NCOA2: variants seen among roughly 807,000 people sequenced by gnomAD.
NCOA2 encodes the protein class E basic helix-loop-helix protein 75.
In NCOA2, 21 loss-of-function variants were observed where a neutral mutation model predicts 145.1. The ratio of observed to expected loss-of-function variants is 0.14; its 90% CI spans 0.10 to 0.21. The LOEUF (loss-of-function observed/expected upper bound fraction) is 0.21. NCOA2 is among the 10% of genes least tolerant of loss of function. The probability of loss-of-function intolerance (pLI) is 1.00; values close to 1 mark genes in which losing one functional copy is unlikely to be tolerated. For synonymous variants in NCOA2, 619 were observed against 637.5 expected (o/e 0.97, Z 0.44); for missense variants, 1,472 against 1,837.6 (o/e 0.80, Z 3.64).
intron 2 of NCOA2, among the ~76,000 whole-genome samples, chr8:70,278,321 T>C (rs868058078): frequency 6.6e-6 from 1 of 152,248 alleles, no homozygotes; most frequent in East Asian, 1.9e-4. Flanking sequence ...TGATGGATGT[T>C]TGGACTGTTT....
In NCOA2 at chr8:70,319,539, A is replaced by AAAATAAATAAATAAATAAATAAAT. The variant is rs71558597; in HGVS notation, c.-76-22763_-76-22740dup. Among the ~76,000 whole-genome samples the AAAATAAATAAATAAATAAATAAAT allele has an allele frequency of 8.5e-4, 127 of 149,188 alleles. 1 individual carries two copies. The highest frequency in any genetic ancestry group is 1.0e-3 in the African/African-American group (42 of 40,106). On this transcript the variant is annotated intron_variant, in intron 1 of 22. Coordinates refer to ENST00000452400, the MANE Select transcript of NCOA2 (RefSeq NM_006540.4). ...CATAGGCAACAGAGACCCTGTCTCA[A>AAAATAAATAAATAAATAAATAAAT]AAATAAATAAATAAATAAATAAATA... is the stretch of plus-strand genomic sequence containing the variant.
intron 1 of NCOA2, among the ~76,000 whole-genome samples, chr8:70,298,698 A>G (rs1329027987): frequency 6.6e-6 from 1 of 152,216 alleles, no homozygotes; most frequent in Non-Finnish European, 1.5e-5. Context: ...TGTTGGCTCT[A>G]TACTATTCAG....
At chr8:70,320,280 AG>A (rs2136145292) in intron 1 of NCOA2, among the ~76,000 whole-genome samples, 1 of 152,246 alleles carries the variant, frequency 6.6e-6, no homozygotes, top group East Asian at 1.9e-4. Context: ...TATGAGAAAA[AG>A]TGTTCTAAAA....
At chr8:70,194,891 G>A (rs992388544) in intron 4 of NCOA2, among the ~76,000 whole-genome samples, 3 of 152,076 alleles carry the variant, frequency 2.0e-5, no homozygotes, top group Admixed American at 6.5e-5. Context: ...AAACAGCTGG[G>A]TAACAGGTTT....
chr8:70,322,398 A>G (rs893129123), intron 1 of NCOA2, among the ~76,000 whole-genome samples: 1 of 152,182 alleles, frequency 6.6e-6, no homozygotes, highest in African/African-American at 2.4e-5. Context: ...TCACTACAGA[A>G]AACTGTAGAT....
intron 3 of NCOA2, among the ~76,000 whole-genome samples, chr8:70,215,601 G>C (rs933736046): frequency 7.9e-5 from 12 of 152,116 alleles, no homozygotes; most frequent in African/African-American, 2.7e-4. Flanking sequence ...TGCCTCTCTT[G>C]ATGACTTTTC....
intron 8 of NCOA2, among the ~76,000 whole-genome samples, 168 bp from the exon 9 acceptor site, chr8:70,163,022 C>A (rs1050276736): frequency 4.1e-5 from 6 of 146,902 alleles, no homozygotes; most frequent in Non-Finnish European, 7.4e-5. Context: ...TCAAACGACT[C>A]TTGTGAATCA....
chr8:70,167,555 TTAGTATA>T (rs1202095701), intron 6 of NCOA2, among the ~76,000 whole-genome samples: 1 of 152,214 alleles, frequency 6.6e-6, no homozygotes, highest in Non-Finnish European at 1.5e-5. Flanking sequence ...TACAGAAACT[TTAGTATA>T]TAGTTTATAA....
At chr8:70,247,928 C>A (rs1021044783) in intron 2 of NCOA2, among the ~76,000 whole-genome samples, 1 of 152,182 alleles carries the variant, frequency 6.6e-6, no homozygotes, top group African/African-American at 2.4e-5. Flanking sequence ...GCAAATCTGT[C>A]CCTCTCTCAT....
At chr8:70,222,939 A>G (rs1260937139) in intron 2 of NCOA2, among the ~76,000 whole-genome samples, 1 of 152,188 alleles carries the variant, frequency 6.6e-6, no homozygotes, top group Admixed American at 6.5e-5. Context: ...AAATTCTCAT[A>G]GGCCAAGTTC....
At chr8:70,402,610 AG>A (rs1814410546) in intron 1 of NCOA2, 1 of 150,608 alleles carries the variant, frequency 6.6e-6, no homozygotes, top group Admixed American at 6.6e-5. Context: ...CAGGGGCCCG[AG>A]AGGGCCGGGT....
chr8:70,235,619 G>A (rs1394634905), intron 2 of NCOA2, among the ~76,000 whole-genome samples: 1 of 152,106 alleles, frequency 6.6e-6, no homozygotes, highest in African/African-American at 2.4e-5. Context: ...CAAGGCAGGA[G>A]GATCACTCAA....
chr8:70,264,802 G>A (rs1824435258), intron 2 of NCOA2, among the ~76,000 whole-genome samples: 1 of 151,708 alleles, frequency 6.6e-6, no homozygotes, highest in Non-Finnish European at 1.5e-5. Flanking sequence ...CACAACATTT[G>A]ACTGACTTGC....
intron 1 of NCOA2, among the ~76,000 whole-genome samples, chr8:70,402,791 C>T (rs1814444739): frequency 1.3e-5 from 2 of 151,340 alleles, no homozygotes; most frequent in African/African-American, 4.8e-5. Flanking sequence ...CCGGCCCCGG[C>T]CCCAGCGCGC....
rs375584834 is a variant in NCOA2, at chr8:70,218,904, C to A, written c.-19-2140G>T. Reference sequence around the variant, plus strand: ...TTTTGTTAAAATGGCTATTCCCCCCCTCAAAAGCAATGCCACATATACTAA... The same window carrying A: ...TTTTGTTAAAATGGCTATTCCCCCCATCAAAAGCAATGCCACATATACTAA... On this transcript the variant is annotated intron_variant, in intron 2 of 22. Transcript: ENST00000452400. Among the ~76,000 whole-genome samples, 6 of 152,224 alleles carry A rather than the reference C, an allele frequency of 3.9e-5. No individual in the cohort carries two copies. The East Asian group carries it at 1.2e-3, about 29-fold the overall frequency.
chr8:70,121,344 C>A lies in NCOA2; in HGVS notation c.4341G>T (p.Leu1447=), dbSNP rs751159927. Residue 1447 remains leucine, a synonymous_variant, in exon 22 of 23, where the codon CTG becomes CTT. Transcript: ENST00000452400. ...LRGGNLFPNQ[L]PGMDMIKQEG... ...CCTGCTTAATCATATCCATTCCAGG[C>A]AGCTGGTTTGGGAACAGGTTGCCTC... 9 of 1,613,146 alleles carry A rather than the reference C, an allele frequency of 5.6e-6. No individual in the cohort carries two copies. The Admixed American group carries it at 8.3e-5, about 15-fold the overall frequency.
At chr8:70,152,126 T>C (rs565560539) in intron 11 of NCOA2, among the ~76,000 whole-genome samples, 51 of 152,362 alleles carry the variant, frequency 3.3e-4, no homozygotes, top group South Asian at 8.3e-4. Context: ...TCTATTTGAA[T>C]GCTCAAATTA....
intron 1 of NCOA2, among the ~76,000 whole-genome samples, chr8:70,389,800 C>A (rs528674547): frequency 6.6e-6 from 1 of 152,142 alleles, no homozygotes; most frequent in South Asian, 2.1e-4. Context: ...TCCCGAGTAG[C>A]TGGGATTACA....
chr8:70,333,087 A>G (rs1807250860), intron 1 of NCOA2, among the ~76,000 whole-genome samples: 1 of 152,090 alleles, frequency 6.6e-6, no homozygotes, highest in Non-Finnish European at 1.5e-5. Flanking sequence ...TTATGATTTC[A>G]TTTTCCAAAT....
Sources: allele counts gnomAD v4.1 joint callset (sites outside exome capture counted in the v4.1 genomes callset), GRCh38; gene constraint gnomAD v4.1.1; transcripts MANE v1.5; gene names NCBI Gene and HGNC (gene_info 2026-07-23, HGNC 2026-07-21).